RAP1GAP2: variants seen among roughly 807,000 people sequenced by gnomAD.
RAP1GAP2 encodes the protein rap1 GTPase-activating protein 2.
Under a neutral mutation model 95.0 loss-of-function variants are expected in RAP1GAP2, and 27 were observed. The ratio of observed to expected loss-of-function variants is 0.28; its 90% CI spans 0.21 to 0.39. RAP1GAP2 has a LOEUF of 0.39. Among genes scored for constraint, RAP1GAP2 ranks in the 10% least tolerant of loss-of-function variants. The probability of loss-of-function intolerance (pLI) is 1.00; values close to 1 mark genes in which losing one functional copy is unlikely to be tolerated. For missense variants in RAP1GAP2, 771 were observed against 970.0 expected, an observed-to-expected ratio of 0.79 and a Z score of 2.72; for synonymous variants, 373 against 380.9, an observed-to-expected ratio of 0.98 and a Z score of 0.24.
At chr17:2,811,305 G>A (rs540466219) in intron 2 of RAP1GAP2, among the ~76,000 whole-genome samples, 1 of 152,294 alleles carries the variant, frequency 6.6e-6, no homozygotes, top group East Asian at 1.9e-4. Context: ...CTTATTTACA[G>A]ATCAGTAAGC....
chr17:3,032,119 G>A (rs1036962664), intron 23 of RAP1GAP2, among the ~76,000 whole-genome samples: 6 of 146,788 alleles, frequency 4.1e-5, no homozygotes, highest in Admixed American at 4.0e-4. Flanking sequence ...GAGGTGGGAA[G>A]GGCTGGTTCC....
rs780234161 is a variant in RAP1GAP2, at chr17:2,866,627, A to G, written c.81-38657A>G. Among the ~76,000 whole-genome samples, 7 of 152,002 alleles carry G rather than the reference A, an allele frequency of 4.6e-5. No individual in the cohort carries two copies. The highest frequency in any genetic ancestry group is 7.2e-5 in the African/African-American group (3 of 41,388). ...TTATTTTATTATTTTTTGAGGCAGC[A>G]TCTCCCTCTGTCGCCAGGCTGGAGT... is the stretch of plus-strand genomic sequence containing the variant. On this transcript the variant is annotated intron_variant, in intron 2 of 24. Transcript: ENST00000254695. The surrounding 1 kb of genome is among the most constrained non-coding windows in gnomAD (Gnocchi z 4.0).
At chr17:2,897,372 T>A (rs951714414) in intron 2 of RAP1GAP2, among the ~76,000 whole-genome samples, 4 of 151,102 alleles carry the variant, frequency 2.6e-5, no homozygotes, top group African/African-American at 7.3e-5. Context: ...AAAATGGGTG[T>A]CCAGAAGCCA....
chr17:2,828,508 G>C (rs2070687733), intron 2 of RAP1GAP2, among the ~76,000 whole-genome samples: 1 of 152,114 alleles, frequency 6.6e-6, no homozygotes, highest in South Asian at 2.1e-4. Flanking sequence ...ATTCCAGGTG[G>C]TGGGAACAGG....
At chr17:2,975,273 T>G (rs1028991813) in intron 8 of RAP1GAP2, among the ~76,000 whole-genome samples, 1 of 152,150 alleles carries the variant, frequency 6.6e-6, no homozygotes, top group Non-Finnish European at 1.5e-5. Flanking sequence ...AATATGATAG[T>G]AATTGCAATA....
At chr17:3,024,672 T>C (rs2047050378) in intron 19 of RAP1GAP2, among the ~76,000 whole-genome samples, 1 of 152,240 alleles carries the variant, frequency 6.6e-6, no homozygotes, top group Non-Finnish European at 1.5e-5. Context: ...AAATGTCCAT[T>C]GTCTGATGAA....
At chr17:3,026,861 G>C in intron 21 of RAP1GAP2, 83 bp from the exon 22 acceptor site, 2 of 1,487,592 alleles carry the variant, frequency 1.3e-6, no homozygotes, top group Non-Finnish European at 1.8e-6. Flanking sequence ...CGGCTGTCCT[G>C]GGCTTTTGGG....
At chr17:2,897,304 C>T (rs1393546797) in intron 2 of RAP1GAP2, among the ~76,000 whole-genome samples, 1 of 152,096 alleles carries the variant, frequency 6.6e-6, no homozygotes, top group Non-Finnish European at 1.5e-5. Context: ...TGCCATTGCA[C>T]TCCAACCTGG....
At chr17:2,911,330 A>G (rs2042374661) in intron 3 of RAP1GAP2, among the ~76,000 whole-genome samples, 1 of 150,872 alleles carries the variant, frequency 6.6e-6, no homozygotes, top group Non-Finnish European at 1.5e-5. Context: ...GGGCTGAATA[A>G]GATCCCAGTT....
chr17:2,797,721 G>T lies in RAP1GAP2; in HGVS notation c.44+1150G>T. 1.0e-6 allele frequency: 1 copy of T among 985,376 alleles called. No homozygotes were observed. 61.0% of individuals were successfully genotyped at this position (985,376 alleles called of 1,614,324 possible). ...GGTGCGGATGAGAAGATGGCACAGCGTCGCCTGTGTCTGCTCTCGGGCCCT... is the reference window on the plus strand; with the variant it reads ...GGTGCGGATGAGAAGATGGCACAGCTTCGCCTGTGTCTGCTCTCGGGCCCT... On this transcript the variant is annotated intron_variant, in intron 1 of 24. Coordinates refer to ENST00000254695, the MANE Select transcript of RAP1GAP2 (RefSeq NM_015085.5). This position sits in a 1 kb window ranked among gnomAD's most constrained non-coding sequence, Gnocchi z 5.6.
At chr17:2,774,861 C>G (rs1287293219), upstream of RAP1GAP2, among the ~76,000 whole-genome samples, 3 of 147,582 alleles carry the variant, frequency 2.0e-5, no homozygotes, top group Admixed American at 6.9e-5. Context: ...TGGTCTGTTG[C>G]CCAGGCTGGA....
At chr17:2,992,425 G>A (rs1053859914) in intron 12 of RAP1GAP2, among the ~76,000 whole-genome samples, 1 of 152,132 alleles carries the variant, frequency 6.6e-6, no homozygotes, top group East Asian at 1.9e-4. Context: ...CTCCCAAAGT[G>A]CTGGGATTAC....
chr17:2,806,371 A>AC (rs2069514021), intron 2 of RAP1GAP2, among the ~76,000 whole-genome samples: 1 of 87,756 alleles, frequency 1.1e-5, no homozygotes, highest in Non-Finnish European at 2.2e-5. Context: ...CTCTGCTACA[A>AC]CCTTTTTATT....
At chr17:2,989,139 A>G (rs2045664852) in intron 11 of RAP1GAP2, among the ~76,000 whole-genome samples, 1 of 152,088 alleles carries the variant, frequency 6.6e-6, no homozygotes, top group African/African-American at 2.4e-5. Flanking sequence ...TCTCACCAGC[A>G]GTGTATGAGT....
intron 10 of RAP1GAP2, among the ~76,000 whole-genome samples, chr17:2,983,773 G>A (rs1367911939): frequency 6.6e-6 from 1 of 152,078 alleles, no homozygotes; most frequent in Admixed American, 6.6e-5. Context: ...AGTTGGAAGG[G>A]ACGTTCAAAT....
chr17:2,864,407 G>C (rs950801845), intron 2 of RAP1GAP2, among the ~76,000 whole-genome samples: 1 of 152,230 alleles, frequency 6.6e-6, no homozygotes, highest in African/African-American at 2.4e-5. Context: ...TCCACATTGT[G>C]AATCTGTTTT....
intron 3 of RAP1GAP2, among the ~76,000 whole-genome samples, chr17:2,912,967 C>G (rs1031168196): frequency 1.3e-5 from 2 of 152,034 alleles, no homozygotes; most frequent in Admixed American, 1.3e-4. Flanking sequence ...CCCTTGAGGC[C>G]AGGAGTTTGA....
chr17:2,772,673 G>A (rs770731483), upstream of RAP1GAP2, among the ~76,000 whole-genome samples: 3 of 151,980 alleles, frequency 2.0e-5, no homozygotes, highest in Non-Finnish European at 4.4e-5. Flanking sequence ...TCATAGCAAT[G>A]CTATGATCTA....
intron 2 of RAP1GAP2, among the ~76,000 whole-genome samples, chr17:2,900,914 T>A (rs1033839797): frequency 2.6e-5 from 4 of 152,146 alleles, no homozygotes; most frequent in African/African-American, 9.7e-5. Context: ...CATAGCGATG[T>A]GTGAGACATG....
Sources: allele counts gnomAD v4.1 joint callset (sites outside exome capture counted in the v4.1 genomes callset), GRCh38; gene constraint gnomAD v4.1.1; non-coding constraint Gnocchi (gnomAD v3.1); transcripts MANE v1.5; gene names NCBI Gene and HGNC (gene_info 2026-07-23, HGNC 2026-07-21).